OSBPL9: variants seen among roughly 807,000 people sequenced by gnomAD.
OSBPL9 encodes oxysterol-binding protein-related protein 9.
In OSBPL9, 40 loss-of-function variants were observed where a neutral mutation model predicts 106.6. The observed-to-expected ratio is 0.38, with a 90% CI of 0.29 to 0.49. The LOEUF (loss-of-function observed/expected upper bound fraction) is 0.49, where lower values mean the gene tolerates loss of function less well. OSBPL9 is among the 20% of genes least tolerant of loss of function. The probability of loss-of-function intolerance (pLI) is 0.97; values close to 1 mark genes in which losing one functional copy is unlikely to be tolerated. For synonymous variants in OSBPL9, 269 were observed against 295.4 expected (o/e 0.91, Z 0.92); for missense variants, 609 against 887.2 (o/e 0.69, Z 3.98).
the OSBPL9 span, among the ~76,000 whole-genome samples, chr1:51,531,213 G>T: frequency 2.0e-5 from 3 of 152,178 alleles, no homozygotes; most frequent in African/African-American, 7.2e-5. Context: ...GCGAGGCAGA[G>T]GTTGCAGTGA....
At chr1:51,575,144 T>C (rs1005778033), upstream of OSBPL9, among the ~76,000 whole-genome samples, 1 of 152,190 alleles carries the variant, frequency 6.6e-6, no homozygotes, top group Admixed American at 6.5e-5. Flanking sequence ...TTTGATCTTC[T>C]CCTTGTAGTT....
At chr1:51,559,057 G>A in the OSBPL9 span, among the ~76,000 whole-genome samples, 1 of 152,206 alleles carries the variant, frequency 6.6e-6, no homozygotes, top group Admixed American at 6.5e-5. Context: ...GGAGGTGTCA[G>A]AACAGGGAAC....
intron 4 of OSBPL9, among the ~76,000 whole-genome samples, chr1:51,727,923 G>A (rs1010119647): frequency 6.6e-6 from 1 of 152,188 alleles, no homozygotes; most frequent in Non-Finnish European, 1.5e-5. Context: ...GGGCTATGAC[G>A]ATGTAAGATA....
chr1:51,768,424 G>T (rs1673113200), intron 12 of OSBPL9, among the ~76,000 whole-genome samples: 1 of 150,898 alleles, frequency 6.6e-6, no homozygotes. Flanking sequence ...ATGTTGGCCA[G>T]GCTGGTGTCG....
At chr1:51,731,702 T>C (rs912249499) in intron 4 of OSBPL9, among the ~76,000 whole-genome samples, 2 of 144,366 alleles carry the variant, frequency 1.4e-5, no homozygotes, top group Non-Finnish European at 3.0e-5. Context: ...GCATAAACCC[T>C]GGAGGGGGAG....
intron 4 of OSBPL9, among the ~76,000 whole-genome samples, chr1:51,722,783 A>G (rs557794710): frequency 6.6e-6 from 1 of 152,304 alleles, no homozygotes; most frequent in South Asian, 2.1e-4. Context: ...TGTATTTGTG[A>G]TATCTGGCTA....
chr1:51,744,953 A>C (rs1667677267), intron 4 of OSBPL9: 1 of 152,836 alleles, frequency 6.5e-6, no homozygotes, highest in Non-Finnish European at 1.5e-5. Context: ...GGTGAAAGTG[A>C]GTAGGAAACT....
rs1678345485 is a variant in OSBPL9, at chr1:51,788,855, TATCA to T, written c.*1067_*1070del. Among the ~76,000 whole-genome samples, 1 of 149,020 alleles carries T rather than the reference TATCA, an allele frequency of 6.7e-6. No homozygotes were observed. The highest frequency in any genetic ancestry group is 2.5e-5 in the African/African-American group (1 of 40,148). On this transcript the variant is annotated 3_prime_UTR_variant, in exon 24 of 24. Transcript: ENST00000428468. ...ACAGAACTATATCTATCTATCTATCTATCATCTTTTTTATTTAAAAATACATTAA... is the reference window on the plus strand; with the variant it reads ...ACAGAACTATATCTATCTATCTATCTTCTTTTTTATTTAAAAATACATTAA...
chr1:51,768,741 T>A (rs1041732729), intron 12 of OSBPL9, among the ~76,000 whole-genome samples: 6 of 152,250 alleles, frequency 3.9e-5, no homozygotes, highest in African/African-American at 1.2e-4. Context: ...CTGTTGTACC[T>A]GTAATAGGCA....
At chr1:51,566,488 A>G in the OSBPL9 span, 2 of 152,276 alleles carry the variant, frequency 1.3e-5, no homozygotes, top group African/African-American at 4.8e-5. Context: ...TTTTAACCTC[A>G]TAAGTAGCAT....
At chr1:51,735,206 T>G (rs1411480174) in intron 4 of OSBPL9, among the ~76,000 whole-genome samples, 5 of 152,224 alleles carry the variant, frequency 3.3e-5, no homozygotes, top group Non-Finnish European at 7.3e-5. Context: ...TTTGAGGCAA[T>G]TCTGGCAGTG....
intron 4 of OSBPL9, among the ~76,000 whole-genome samples, chr1:51,730,617 G>A (rs1357356741): frequency 1.3e-5 from 2 of 152,180 alleles, no homozygotes; most frequent in Non-Finnish European, 2.9e-5. Flanking sequence ...GCCGAGTTAT[G>A]GAAAGTTGAG....
intron 2 of OSBPL9, among the ~76,000 whole-genome samples, chr1:51,652,712 GGGGATC>G (rs1170806138): frequency 6.6e-6 from 1 of 152,188 alleles, no homozygotes; most frequent in African/African-American, 2.4e-5. Flanking sequence ...CTTCAGAGAA[GGGGATC>G]AATAGCCACA....
intron 3 of OSBPL9, among the ~76,000 whole-genome samples, chr1:51,700,363 G>C (rs980949892): frequency 3.3e-5 from 5 of 152,148 alleles, no homozygotes; most frequent in Non-Finnish European, 7.4e-5. Flanking sequence ...ATTTGGTACA[G>C]TACTTTTAAC....
chr1:51,760,627 T>G, intron 9 of OSBPL9, 63 bp from the exon 10 acceptor site: 1 of 1,606,996 alleles, frequency 6.2e-7, no homozygotes, highest in Non-Finnish European at 8.5e-7. Flanking sequence ...TGTGGGCATT[T>G]GGGAGGGTAG....
chr1:51,623,845 T>G (rs1311331241), intron 1 of OSBPL9, among the ~76,000 whole-genome samples: 1 of 152,204 alleles, frequency 6.6e-6, no homozygotes, highest in Non-Finnish European at 1.5e-5. Context: ...CATCAAACAT[T>G]TAAAAGCAAA....
chr1:51,733,762 G>GAGAC (rs1665009415), intron 4 of OSBPL9, among the ~76,000 whole-genome samples: 1 of 151,444 alleles, frequency 6.6e-6, no homozygotes, highest in African/African-American at 2.4e-5. Context: ...GTGACAGAGC[G>GAGAC]AGACTCTGTC....
the OSBPL9 span, among the ~76,000 whole-genome samples, chr1:51,542,262 T>A: frequency 0.059 from 8,995 of 152,214 alleles, 387 homozygotes; most frequent in Non-Finnish European, 0.093. Context: ...AGGTAAAGAG[T>A]AGTTTCCATT....
chr1:51,699,695 G>A (rs1467490453), intron 3 of OSBPL9, among the ~76,000 whole-genome samples: 1 of 152,092 alleles, frequency 6.6e-6, no homozygotes, highest in Non-Finnish European at 1.5e-5. Flanking sequence ...TCCAGGGAGT[G>A]CTGATTTCTA....
Sources: allele counts gnomAD v4.1 joint callset (sites outside exome capture counted in the v4.1 genomes callset), GRCh38; gene constraint gnomAD v4.1.1; transcripts MANE v1.5; gene names NCBI Gene and HGNC (gene_info 2026-07-23, HGNC 2026-07-21).